The following TBCE variants were observed in gnomAD, a reference collection of about 807,000 sequenced individuals.
TBCE encodes tubulin folding cofactor E, also known as tubulin-specific chaperone E.
A neutral mutation model predicts 77.0 loss-of-function variants in TBCE; 53 were observed. That is an observed-to-expected ratio of 0.69 (90% CI 0.55 to 0.87). The LOEUF is 0.87. Among genes scored for constraint, TBCE ranks in the 40% least tolerant of loss-of-function variants. The pLI, the probability that TBCE is intolerant of heterozygous loss-of-function variation, is 0.00. For synonymous variants in TBCE, 235 were observed against 241.3 expected, an observed-to-expected ratio of 0.97 and a Z score of 0.24; for missense variants, 624 against 622.4, an observed-to-expected ratio of 1.00 and a Z score of -0.03.
rs34729832 is a variant in TBCE at position 235,450,814 on chromosome 1, T to TA, written c.*2058dup. The TA allele has an allele frequency of 0.13, 19,579 of 153,348 alleles. 1,615 individuals carry two copies. Among genetic ancestry groups the TA allele is most frequent in the African/African-American group, 0.23 (9,591 of 41,414 alleles). 9.5% of individuals were successfully genotyped at this position (153,348 alleles called of 1,614,324 possible). ...AACAATTGAGGAACAAACGAAGAGTTAAAAAACTTGTTCCAGGTCACAGGG... is the reference window on the plus strand; with the variant it reads ...AACAATTGAGGAACAAACGAAGAGTTAAAAAAACTTGTTCCAGGTCACAGGG... On this transcript the variant is annotated 3_prime_UTR_variant, in exon 17 of 17. Coordinates refer to ENST00000642610, the MANE Select transcript of TBCE (RefSeq NM_003193.5).
rs1490214425 is a variant in TBCE, at chr1:235,448,374, GGGAT to G, written c.1426_1429del (p.Gly476CysfsTer33). 6.2e-7 allele frequency: 1 copy of G among 1,614,186 alleles called. No individual in the cohort carries two copies. Among genetic ancestry groups the G allele is most frequent in the Non-Finnish European group, 8.5e-7 (1 of 1,180,020 alleles). ...GCTCCATGACAATTCAAAAGGTGAA[GGGAT>G]TGCTGTCACGTCTTCTCAAAGTTCC... is the stretch of plus-strand genomic sequence containing the variant. On this transcript the variant is annotated frameshift_variant, in exon 16 of 17. Transcript: ENST00000642610. LOFTEE classifies it high-confidence loss of function.
Position 235,431,007 on chromosome 1 carries a change from A to G in TBCE, c.660+203A>G, listed in dbSNP as rs928343763. 2.6e-5 allele frequency among the ~76,000 whole-genome samples: 4 copies of G among 152,190 alleles called. 1 individual carries two copies. Among genetic ancestry groups the G allele is most frequent in the African/African-American group, 9.7e-5 (4 of 41,438 alleles). The stretch of plus-strand genomic sequence containing the variant: ...TCATAGTTGAGTTTTGCATCTGGAA[A>G]TCCATGTCCTATCTCAGCTCATTTT... On this transcript the variant is annotated intron_variant, in intron 7 of 16. Transcript: ENST00000642610.
intron 9 of TBCE, 197 bp from the exon 10 acceptor site, chr1:235,436,189 G>C: frequency 1.6e-6 from 1 of 623,500 alleles, no homozygotes; most frequent in South Asian, 1.9e-5. Flanking sequence ...AGAACCATTA[G>C]GTGACTATGG....
In TBCE at chr1:235,450,093, G is replaced by A; in HGVS notation, c.*1331G>A. On this transcript the variant is annotated 3_prime_UTR_variant, in exon 17 of 17. Coordinates refer to ENST00000642610, the MANE Select transcript of TBCE (RefSeq NM_003193.5). ...GGTTCTGGGTGAAAGTGCCAGTCTG[G>A]AACTCTCTTGAAAGACCATACAGTC... is the stretch of plus-strand genomic sequence containing the variant. 3.8e-6 allele frequency: 5 copies of A among 1,315,554 alleles called. No homozygotes were observed. The highest frequency in any genetic ancestry group is 5.3e-6 in the Non-Finnish European group (5 of 943,194). 81.5% of individuals were successfully genotyped at this position (1,315,554 alleles called of 1,614,324 possible).
intron 1 of TBCE, among the ~76,000 whole-genome samples, chr1:235,369,294 GTCAAGAGGTCGAGA>G (rs950554705): frequency 4.0e-5 from 6 of 150,330 alleles, no homozygotes; most frequent in Admixed American, 4.0e-4. Flanking sequence ...GGATCACGAG[GTCAAGAGGTCGAGA>G]CCATCCTGGC....
intron 13 of TBCE, among the ~76,000 whole-genome samples, chr1:235,439,838 G>A (rs541898519): frequency 6.6e-6 from 1 of 151,776 alleles, no homozygotes; most frequent in South Asian, 2.1e-4. Context: ...GTCTTGCTCT[G>A]TCACCCAGGC....
intron 6 of TBCE, among the ~76,000 whole-genome samples, chr1:235,428,801 G>A (rs1178299625): frequency 6.8e-6 from 1 of 147,686 alleles, no homozygotes; most frequent in Non-Finnish European, 1.5e-5. Context: ...GAGCCACCAC[G>A]CCCAACTAAT....
intron 15 of TBCE, 98 bp from the exon 16 acceptor site, chr1:235,448,251 G>T: frequency 1.2e-6 from 1 of 813,608 alleles, no homozygotes; most frequent in Non-Finnish European, 2.1e-6. Flanking sequence ...GACAGATACA[G>T]CTATCATTGC....
intron 3 of TBCE, among the ~76,000 whole-genome samples, chr1:235,408,417 G>A (rs1679585190): frequency 6.6e-6 from 1 of 151,224 alleles, no homozygotes; most frequent in African/African-American, 2.4e-5. Context: ...TTGGTGTGGT[G>A]TAAAGTGTTG....
intron 7 of TBCE, among the ~76,000 whole-genome samples, chr1:235,432,269 C>T (rs1011087185): frequency 6.6e-6 from 1 of 152,226 alleles, no homozygotes; most frequent in Non-Finnish European, 1.5e-5. Flanking sequence ...CAGGCGTGAG[C>T]CACTGTGCCC....
At chr1:235,383,301 T>C (rs1287335569) in intron 2 of TBCE, among the ~76,000 whole-genome samples, 1 of 152,156 alleles carries the variant, frequency 6.6e-6, no homozygotes, top group Non-Finnish European at 1.5e-5. Context: ...CGATGCGGGC[T>C]CTTTTTTGGT....
At chr1:235,432,991 A>G in intron 7 of TBCE, 1 of 1,506,284 alleles carries the variant, frequency 6.6e-7, no homozygotes, top group Non-Finnish European at 8.8e-7. Flanking sequence ...CGACATGCAG[A>G]AAGACGCCAG....
At chr1:235,432,264 G>A (rs1328465205) in intron 7 of TBCE, among the ~76,000 whole-genome samples, 5 of 152,214 alleles carry the variant, frequency 3.3e-5, no homozygotes, top group Non-Finnish European at 7.3e-5. Flanking sequence ...GATTACAGGC[G>A]TGAGCCACTG....
At chr1:235,434,533 T>C (rs952866917) in intron 8 of TBCE, among the ~76,000 whole-genome samples, 3 of 92,490 alleles carry the variant, frequency 3.2e-5, no homozygotes, top group African/African-American at 2.0e-4. Context: ...ACTTGCTGTT[T>C]CTTTTTTTTC....
At chr1:235,397,882 A>T (rs1211187484) in intron 2 of TBCE, among the ~76,000 whole-genome samples, 4 of 152,142 alleles carry the variant, frequency 2.6e-5, no homozygotes, top group African/African-American at 9.7e-5. Context: ...TCTCTTACTC[A>T]TACTGGTTTC....
At chr1:235,400,947 G>A (rs1050861659) in intron 2 of TBCE, among the ~76,000 whole-genome samples, 1 of 150,582 alleles carries the variant, frequency 6.6e-6, no homozygotes, top group African/African-American at 2.4e-5. Flanking sequence ...CAGGTGATCC[G>A]CCCACTTTGG....
At chr1:235,445,788 C>T (rs1306059686) in intron 15 of TBCE, among the ~76,000 whole-genome samples, 1 of 152,026 alleles carries the variant, frequency 6.6e-6, no homozygotes. Context: ...TACACATATG[C>T]TCTGACCAAG....
chr1:235,424,372 T>A (rs1398890828), intron 5 of TBCE, among the ~76,000 whole-genome samples: 1 of 142,386 alleles, frequency 7.0e-6, no homozygotes, highest in Non-Finnish European at 1.5e-5. Flanking sequence ...TTCACTGGGC[T>A]GGAGTGCAGT....
At chr1:235,426,439 T>C (rs1466246498) in intron 5 of TBCE, among the ~76,000 whole-genome samples, 1 of 152,186 alleles carries the variant, frequency 6.6e-6, no homozygotes, top group Non-Finnish European at 1.5e-5. Flanking sequence ...GAGATTCCTA[T>C]GGTAATGGTG....
Sources: gnomAD v4.1 joint callset for allele counts (sites outside exome capture counted in the v4.1 genomes callset) on GRCh38, gnomAD v4.1.1 for gene constraint, MANE v1.5 for transcripts, NCBI Gene and HGNC (gene_info 2026-07-23, HGNC 2026-07-21) for gene names.